VWA5B1: variants seen among roughly 807,000 people sequenced by gnomAD.
The protein encoded by VWA5B1 is von Willebrand factor A domain-containing protein 5B1.
In VWA5B1, 115 loss-of-function variants were observed where a neutral mutation model predicts 118.2. The observed-to-expected ratio is 0.97, with a 90% CI of 0.84 to 1.14. VWA5B1 has a LOEUF of 1.14. Ranked by LOEUF, VWA5B1 falls within the 50% of genes most tolerant of loss-of-function variation. VWA5B1 has a pLI of 0.00. For synonymous variants in VWA5B1, 682 were observed against 658.4 expected, an observed-to-expected ratio of 1.04 and a Z score of -0.55; for missense variants, 1,596 against 1,603.8, an observed-to-expected ratio of 1.00 and a Z score of 0.08.
At chr1:20,329,372 G>T (rs187819149) in intron 9 of VWA5B1, among the ~76,000 whole-genome samples, 123 of 120,458 alleles carry the variant, frequency 1.0e-3, no homozygotes, top group African/African-American at 3.8e-3. Flanking sequence ...GTGCGATCTT[G>T]ATCTTGGCTC....
intron 1 of VWA5B1, among the ~76,000 whole-genome samples, chr1:20,297,827 C>G (rs906744210): frequency 6.6e-6 from 1 of 152,136 alleles, no homozygotes; most frequent in African/African-American, 2.4e-5. Flanking sequence ...GTGTTATTTC[C>G]CCTCTGAGCC....
chr1:20,327,844 C>T (rs1177216221), intron 8 of VWA5B1, 46 bp from the exon 9 acceptor site: 1 of 1,495,846 alleles, frequency 6.7e-7, no homozygotes, highest in Non-Finnish European at 9.1e-7. Context: ...GGCCGAGTGA[C>T]AAGAACTCCT....
chr1:20,297,996 A>ATTTTTTTTTTTTTTT (rs60497976), intron 1 of VWA5B1, among the ~76,000 whole-genome samples: 34 of 126,634 alleles, frequency 2.7e-4, no homozygotes, highest in Non-Finnish European at 3.5e-4. Flanking sequence ...TCGGTGGTGG[A>ATTTTTTTTTTTTTTT]TTTTTTTTTT....
At position 20,358,027 on chromosome 1, in the gene VWA5B1, T is replaced by C. The variant is rs2090259674; in HGVS notation, c.*3764T>C. 6.6e-6 allele frequency among the ~76,000 whole-genome samples: 1 copy of C among 152,198 alleles called. No homozygotes were observed. The highest frequency in any genetic ancestry group is 1.5e-5 in the Non-Finnish European group (1 of 68,040). ...CCCTCAGCTCGAGACCAACTCCAGA[T>C]GCCAGGATAACTGGGCCCCATCCTT... On this transcript the variant is annotated 3_prime_UTR_variant, in exon 22 of 22. Transcript: ENST00000289815.
intron 1 of VWA5B1, among the ~76,000 whole-genome samples, chr1:20,293,752 G>A (rs1357328077): frequency 6.6e-6 from 1 of 152,210 alleles, no homozygotes; most frequent in Non-Finnish European, 1.5e-5. Flanking sequence ...TTCATCCTAT[G>A]AAACCCTCTG....
rs1484524537 is a variant in VWA5B1, at chr1:20,337,815, G to T, written c.2112G>T (p.Gln704His). 1 of 1,551,804 alleles carries T rather than the reference G, an allele frequency of 6.4e-7. No homozygotes were observed. Among genetic ancestry groups the T allele is most frequent in the Admixed American group, 2.0e-5 (1 of 51,000 alleles). ...DLTNQTSLDV[Q>H]RWQIDLQPLL... is the part of the protein sequence containing the mutation. ...CCAACCAGACCAGCCTGGATGTCCA[G>T]CGGTGGCAGATTGATTTGCAGGTAC... Residue 704 changes from glutamine to histidine, a missense_variant, in exon 14 of 22, where the codon CAG becomes CAT. By Grantham distance (24) the Gln-to-His change is conservative. Coordinates refer to ENST00000289815, the MANE Select transcript of VWA5B1 (RefSeq NM_001039500.3).
At chr1:20,332,383 G>A (rs2089583980) in intron 11 of VWA5B1, among the ~76,000 whole-genome samples, 2 of 151,898 alleles carry the variant, frequency 1.3e-5, no homozygotes, top group South Asian at 4.2e-4. Flanking sequence ...AGGAGGCTGA[G>A]GCAGCAGAAT....
At chr1:20,326,076 A>C (rs1165129111) in intron 8 of VWA5B1, among the ~76,000 whole-genome samples, 2 of 152,218 alleles carry the variant, frequency 1.3e-5, no homozygotes, top group Non-Finnish European at 2.9e-5. Context: ...GATCAGCAGA[A>C]TCTCCTCCTA....
intron 18 of VWA5B1, among the ~76,000 whole-genome samples, chr1:20,349,650 G>T (rs527372673): frequency 6.6e-6 from 1 of 151,850 alleles, no homozygotes; most frequent in South Asian, 2.1e-4. Context: ...CCAAAATGCT[G>T]GGATCACAGG....
intron 9 of VWA5B1, among the ~76,000 whole-genome samples, chr1:20,329,923 C>T (rs2089497579): frequency 1.3e-5 from 2 of 152,250 alleles, no homozygotes; most frequent in South Asian, 4.2e-4. Context: ...TCCAGGAGTG[C>T]TTCTATTTTT....
intron 12 of VWA5B1, 41 bp from the exon 13 acceptor site, chr1:20,336,262 C>T: frequency 2.3e-6 from 3 of 1,314,280 alleles, no homozygotes; most frequent in Non-Finnish European, 2.9e-6. Flanking sequence ...TTCCTGACAC[C>T]TAGCCTCACT....
In VWA5B1 at chr1:20,355,591, A is replaced by C. The variant is rs1412619871; in HGVS notation, c.*1328A>C. The stretch of plus-strand genomic sequence containing the variant: ...TCCCAACCTTGGAGTGAAGCTCCAC[A>C]GACTTCCCTCGTGGGAAGGCCTTGG... On this transcript the variant is annotated 3_prime_UTR_variant, in exon 22 of 22. Transcript: ENST00000289815. 6.6e-6 allele frequency among the ~76,000 whole-genome samples: 1 copy of C among 152,238 alleles called. No homozygotes were observed. Among genetic ancestry groups the C allele is most frequent in the East Asian group, 1.9e-4 (1 of 5,178 alleles).
In VWA5B1 at chr1:20,357,073, C is replaced by A. The variant is rs2090243055; in HGVS notation, c.*2810C>A. Among the ~76,000 whole-genome samples, 1 of 152,168 alleles carries A rather than the reference C, an allele frequency of 6.6e-6. No individual in the cohort carries two copies. Among genetic ancestry groups the A allele is most frequent in the Non-Finnish European group, 1.5e-5 (1 of 68,038 alleles). ...CTAAACCAGCCCTTGCTTTCTAGGT[C>A]ATACAAAGGAATATTTATGCCCTGC... On this transcript the variant is annotated 3_prime_UTR_variant, in exon 22 of 22. Transcript: ENST00000289815.
chr1:20,292,035 C>T (rs931043106), intron 1 of VWA5B1, among the ~76,000 whole-genome samples: 1 of 152,348 alleles, frequency 6.6e-6, no homozygotes, highest in Admixed American at 6.5e-5. Context: ...TCCTGCCTCT[C>T]CCACTAACCC....
intron 7 of VWA5B1, among the ~76,000 whole-genome samples, chr1:20,320,707 C>T (rs1191682651): frequency 1.3e-5 from 2 of 152,224 alleles, no homozygotes; most frequent in Admixed American, 6.5e-5. Flanking sequence ...AGCAATCAAC[C>T]CACAGCTGCT....
At chr1:20,348,179 TG>T in intron 17 of VWA5B1, 65 bp from the exon 18 acceptor site, 7 of 1,416,644 alleles carry the variant, frequency 4.9e-6, no homozygotes, top group Middle Eastern at 2.1e-4. Context: ...CTGTCAGCTC[TG>T]GGGGAAAGGC....
At chr1:20,292,080 CTTTCTTT>C (rs982500984) in intron 1 of VWA5B1, among the ~76,000 whole-genome samples, 25 of 152,264 alleles carry the variant, frequency 1.6e-4, no homozygotes, top group African/African-American at 5.3e-4. Flanking sequence ...CTTTTTCTCT[CTTTCTTT>C]TTTCTTTTTT....
Position 20,317,716 on chromosome 1 carries a change from C to A in VWA5B1, c.709+41C>A, listed in dbSNP as rs540121379. The A allele has an allele frequency of 8.6e-6, 13 of 1,507,162 alleles. No homozygotes were observed. The African/African-American group carries it at 1.1e-4, about 13-fold the overall frequency. 93.4% of individuals were successfully genotyped at this position (1,507,162 alleles called of 1,614,324 possible). On this transcript the variant is annotated intron_variant, in intron 5 of 21. Coordinates refer to ENST00000289815, the MANE Select transcript of VWA5B1 (RefSeq NM_001039500.3). ...CCAGACGGGATGGGTGAGCTTCAGG[C>A]GAAAAGCCAAAGGCTGCCAGGGATG... is the stretch of plus-strand genomic sequence containing the variant.
chr1:20,314,298 C>G (rs147840742), intron 3 of VWA5B1, 24 bp from the exon 4 acceptor site: 1 of 1,550,018 alleles, frequency 6.5e-7, no homozygotes. Context: ...TATGTACAGC[C>G]CCTGACGCCA....
Sources: gnomAD v4.1 joint callset for allele counts (sites outside exome capture counted in the v4.1 genomes callset) on GRCh38, gnomAD v4.1.1 for gene constraint, MANE v1.5 for transcripts, NCBI Gene and HGNC (gene_info 2026-07-23, HGNC 2026-07-21) for gene names.